Variants in PRSS23 observed in about 807,000 individuals in gnomAD.
The protein encoded by PRSS23 is serine protease 23, also known as protease, serine 23.
In PRSS23, 25 loss-of-function variants were observed where a neutral mutation model predicts 34.7. The ratio of observed to expected loss-of-function variants is 0.72; its 90% CI spans 0.53 to 1.01. The LOEUF (loss-of-function observed/expected upper bound fraction) is 1.01. PRSS23 is among the 50% of genes least tolerant of loss of function. The pLI, the probability that PRSS23 is intolerant of heterozygous loss-of-function variation, is 0.00. For missense variants in PRSS23, 445 were observed against 475.6 expected, an observed-to-expected ratio of 0.94 and a Z score of 0.60; for synonymous variants, 176 against 186.6, an observed-to-expected ratio of 0.94 and a Z score of 0.46.
Position 86,825,068 on chromosome 11 carries a change from A to G in PRSS23, c.206+1475A>G, listed in dbSNP as rs569417766. Among the ~76,000 whole-genome samples the G allele has an allele frequency of 4.7e-4, 71 of 152,108 alleles. No individual in the cohort carries two copies. The East Asian group carries it at 8.3e-3, about 18-fold the overall frequency. Reference sequence around the variant, plus strand: ...AGGAATCGCCACACTGTCTTCCACAATGGTTGAACTAGTTTACAGTCCCAC... The same window carrying G: ...AGGAATCGCCACACTGTCTTCCACAGTGGTTGAACTAGTTTACAGTCCCAC... On this transcript the variant is annotated intron_variant, in intron 2 of 2. Transcript: ENST00000533902.
At chr11:86,934,116 A>T (rs1239652287) in intron 2 of PRSS23, 1 of 152,118 alleles carries the variant, frequency 6.6e-6, no homozygotes, top group Non-Finnish European at 1.5e-5. Flanking sequence ...CCAGTTCGGA[A>T]TGGGAAAACT....
chr11:86,838,180 C>T (rs113114742), intron 2 of PRSS23, among the ~76,000 whole-genome samples: 2,339 of 152,114 alleles, frequency 0.015, 63 homozygotes, highest in African/African-American at 0.053. Context: ...CACAGGCACA[C>T]ACCTACAAAA....
chr11:86,802,340 A>G (rs1418051087), intron 1 of PRSS23, among the ~76,000 whole-genome samples: 1 of 152,160 alleles, frequency 6.6e-6, no homozygotes, highest in Non-Finnish European at 1.5e-5. Flanking sequence ...GGTTGCTTGG[A>G]CTTGTAAGTG....
At chr11:86,812,116 A>G (rs1230651781), downstream of PRSS23, among the ~76,000 whole-genome samples, 1 of 152,226 alleles carries the variant, frequency 6.6e-6, no homozygotes, top group Non-Finnish European at 1.5e-5. Context: ...TGACTAATGA[A>G]GCTGGGGCAG....
intron 2 of PRSS23, among the ~76,000 whole-genome samples, chr11:86,846,864 T>C (rs1948490107): frequency 6.6e-6 from 1 of 152,206 alleles, no homozygotes; most frequent in South Asian, 2.1e-4. Flanking sequence ...CCATAGTGTG[T>C]AGTCCCCCAC....
chr11:86,826,100 TC>T (rs1394672825), intron 2 of PRSS23, among the ~76,000 whole-genome samples: 4 of 152,134 alleles, frequency 2.6e-5, no homozygotes, highest in African/African-American at 9.7e-5. Context: ...TATTGATTCT[TC>T]CTACCCATGA....
At chr11:86,939,426 A>ATATATATATATATATATTTT in intron 2 of PRSS23, among the ~76,000 whole-genome samples, 3 of 94,074 alleles carry the variant, frequency 3.2e-5, no homozygotes, top group South Asian at 3.5e-4. Context: ...ATATATATAT[A>ATATATATATATATATATTTT]TTTTTTAACA....
At chr11:86,823,773 G>A (rs1403640900) in intron 2 of PRSS23, among the ~76,000 whole-genome samples, 3 of 152,012 alleles carry the variant, frequency 2.0e-5, no homozygotes, top group South Asian at 2.1e-4. Flanking sequence ...TTGGGAGGCC[G>A]AGGCGGGCGG....
exon 3 of PRSS23, chr11:86,952,738 T>C (rs1949305612): frequency 5.7e-6 from 2 of 351,426 alleles, no homozygotes; most frequent in Non-Finnish European, 1.0e-5. Flanking sequence ...GTCTGAAGAA[T>C]TGCATAAGCC....
At position 86,879,734 on chromosome 11, in the gene PRSS23, C is replaced by T. The variant is rs1157612122; in HGVS notation, c.206+56141C>T. On this transcript the variant is annotated intron_variant, in intron 2 of 2. Coordinates refer to the PRSS23 transcript ENST00000533902. ...TCCGGGAGGGAGGTGGGGGTGTCAG[C>T]CCCCCGCCCGGCCAGCCGCCCCGTC... 1.5e-5 allele frequency among the ~76,000 whole-genome samples: 2 copies of T among 136,240 alleles called. 1 individual carries two copies. The highest frequency in any genetic ancestry group is 3.2e-5 in the Non-Finnish European group (2 of 61,952). The allele number at this position is 136,240 out of a possible 152,430, so 89.4% of individuals were successfully genotyped here. A position where few individuals can be genotyped will look rare whatever the true frequency, so the allele number is the denominator to read the frequency against.
chr11:86,859,231 G>A (rs1283096898), intron 2 of PRSS23, among the ~76,000 whole-genome samples: 1 of 149,634 alleles, frequency 6.7e-6, no homozygotes, highest in Non-Finnish European at 1.5e-5. Context: ...AATATCAGAG[G>A]AAGTGTACAC....
chr11:86,918,050 TC>T (rs2135000483), intron 2 of PRSS23, among the ~76,000 whole-genome samples: 1 of 152,362 alleles, frequency 6.6e-6, no homozygotes, highest in East Asian at 1.9e-4. Context: ...TTTAGCTATT[TC>T]ATTTTTAGTA....
At chr11:86,844,083 C>T (rs1948468795) in intron 2 of PRSS23, among the ~76,000 whole-genome samples, 1 of 152,104 alleles carries the variant, frequency 6.6e-6, no homozygotes, top group African/African-American at 2.4e-5. Context: ...ACTATGCAGC[C>T]ATAAAAAAGG....
At position 86,847,199 on chromosome 11, in the gene PRSS23, C is replaced by T. The variant is rs573441840; in HGVS notation, c.206+23606C>T. Among the ~76,000 whole-genome samples the T allele has an allele frequency of 2.0e-5, 3 of 152,182 alleles. No homozygotes were observed. In the South Asian group the frequency reaches 6.2e-4, roughly 32 times the overall value. On this transcript the variant is annotated intron_variant, in intron 2 of 2. Coordinates refer to the PRSS23 transcript ENST00000533902. ...GCCCTGGTCTGGAGGACATCCACCA[C>T]CCCCTTTAAGCTTACTAAGCCTCCT...
At chr11:86,877,451 A>T (rs1049945526) in intron 2 of PRSS23, among the ~76,000 whole-genome samples, 3 of 152,180 alleles carry the variant, frequency 2.0e-5, no homozygotes, top group Non-Finnish European at 2.9e-5. Flanking sequence ...CATTTTAAAC[A>T]GAATTTTTAT....
intron 2 of PRSS23, among the ~76,000 whole-genome samples, chr11:86,902,094 T>C (rs150434789): frequency 2.8e-4 from 43 of 152,282 alleles, no homozygotes; most frequent in African/African-American, 1.0e-3. Flanking sequence ...TCTACATAGA[T>C]GATGGATAGA....
chr11:86,944,380 G>C (rs981043401), intron 2 of PRSS23, among the ~76,000 whole-genome samples: 3 of 151,986 alleles, frequency 2.0e-5, no homozygotes, highest in African/African-American at 7.3e-5. Flanking sequence ...ACGTTCACAG[G>C]TATCTGGGGT....
At chr11:86,887,166 A>G (rs1383435981) in intron 2 of PRSS23, among the ~76,000 whole-genome samples, 4 of 152,172 alleles carry the variant, frequency 2.6e-5, no homozygotes, top group Admixed American at 6.5e-5. Flanking sequence ...CTGACTCCAG[A>G]GCTGTGCTCG....
At chr11:86,868,177 A>G (rs72951618) in intron 2 of PRSS23, among the ~76,000 whole-genome samples, 21,553 of 152,210 alleles carry the variant, frequency 0.14, 1,764 homozygotes, top group Non-Finnish European at 0.19. Context: ...AGACCCTCAG[A>G]GCATTCATGA....
Sources: allele counts gnomAD v4.1 joint callset (sites outside exome capture counted in the v4.1 genomes callset), GRCh38; gene constraint gnomAD v4.1.1; transcripts MANE v1.5; gene names NCBI Gene and HGNC (gene_info 2026-07-23, HGNC 2026-07-21).